Variants in QTMAN observed in about 807,000 individuals in gnomAD.
The protein encoded by QTMAN is tRNA-queuosine alpha-mannosyltransferase.
chr2:144,175,273 T>C, the QTMAN span, among the ~76,000 whole-genome samples: 2 of 152,248 alleles, frequency 1.3e-5, no homozygotes, highest in East Asian at 3.9e-4. Flanking sequence ...ATAGAACTAA[T>C]AGATACTACC....
chr2:144,033,502 C>T, the QTMAN span, among the ~76,000 whole-genome samples: 1 of 152,198 alleles, frequency 6.6e-6, no homozygotes, highest in Non-Finnish European at 1.5e-5. Flanking sequence ...ACCCCCCTCC[C>T]AACACCTTCA....
At chr2:144,007,263 T>C in the QTMAN span, 23 of 1,613,146 alleles carry the variant, frequency 1.4e-5, no homozygotes, top group East Asian at 3.8e-4. Flanking sequence ...AACAGTCAGA[T>C]TTTGTTTATT....
At chr2:143,975,767 T>C in the QTMAN span, among the ~76,000 whole-genome samples, 1 of 152,190 alleles carries the variant, frequency 6.6e-6, no homozygotes, top group African/African-American at 2.4e-5. Context: ...GCAGTCTGGG[T>C]TGCCACATGG....
At chr2:144,025,207 CTG>C in the QTMAN span, among the ~76,000 whole-genome samples, 1 of 152,174 alleles carries the variant, frequency 6.6e-6, no homozygotes, top group African/African-American at 2.4e-5. Context: ...ACTGGGATAT[CTG>C]CCAGGAGAGG....
At chr2:143,982,765 A>G in the QTMAN span, among the ~76,000 whole-genome samples, 11,765 of 150,790 alleles carry the variant, frequency 0.078, 863 homozygotes, top group African/African-American at 0.18. Flanking sequence ...GGAGGCTGAC[A>G]CAGGAGAACC....
chr2:144,117,174 C>T, the QTMAN span, among the ~76,000 whole-genome samples: 1 of 152,134 alleles, frequency 6.6e-6, no homozygotes, highest in African/African-American at 2.4e-5. Flanking sequence ...TCCTGACTCT[C>T]CAGCAAATGT....
the QTMAN span, among the ~76,000 whole-genome samples, chr2:144,301,781 C>T: frequency 6.6e-6 from 1 of 152,124 alleles, no homozygotes; most frequent in Non-Finnish European, 1.5e-5. Flanking sequence ...GGCCTCAAAG[C>T]ACTAATCAAG....
chr2:143,939,139 C>G, the QTMAN span: 2 of 152,184 alleles, frequency 1.3e-5, no homozygotes, highest in African/African-American at 4.8e-5. Context: ...ATGCTCTCCC[C>G]TTTTTGGCTT....
At chr2:144,113,478 G>C in the QTMAN span, among the ~76,000 whole-genome samples, 1 of 151,790 alleles carries the variant, frequency 6.6e-6, no homozygotes, top group Non-Finnish European at 1.5e-5. Context: ...TATAACAAAA[G>C]CTCTAACATT....
the QTMAN span, among the ~76,000 whole-genome samples, chr2:144,110,570 A>AATT: frequency 6.6e-6 from 1 of 151,838 alleles, no homozygotes; most frequent in East Asian, 1.9e-4. Context: ...AATAAATAAT[A>AATT]TAAAACTACA....
the QTMAN span, among the ~76,000 whole-genome samples, chr2:144,097,571 G>A: frequency 6.6e-6 from 1 of 152,158 alleles, no homozygotes; most frequent in Non-Finnish European, 1.5e-5. Context: ...GGGCTGGAGG[G>A]TGGGAAGGGG....
the QTMAN span, among the ~76,000 whole-genome samples, chr2:143,970,340 T>C: frequency 2.6e-5 from 4 of 152,186 alleles, no homozygotes; most frequent in South Asian, 2.1e-4. Flanking sequence ...AGGTGAGAGG[T>C]TGTATATCCA....
the QTMAN span, among the ~76,000 whole-genome samples, chr2:144,313,812 T>C: frequency 2.6e-5 from 4 of 151,592 alleles, no homozygotes; most frequent in East Asian, 7.7e-4. Flanking sequence ...CTTTAAAATA[T>C]ACTAGATTTC....
the QTMAN span, among the ~76,000 whole-genome samples, chr2:144,216,114 C>T: frequency 6.6e-6 from 1 of 152,160 alleles, no homozygotes; most frequent in African/African-American, 2.4e-5. Flanking sequence ...GTTTTAGACT[C>T]TTATAACTTC....
At chr2:144,101,792 C>A in the QTMAN span, among the ~76,000 whole-genome samples, 2 of 152,002 alleles carry the variant, frequency 1.3e-5, no homozygotes, top group Non-Finnish European at 2.9e-5. Flanking sequence ...TCAGCCACTA[C>A]CTTGGTCTGT....
At chr2:144,118,126 A>G in the QTMAN span, among the ~76,000 whole-genome samples, 6 of 152,116 alleles carry the variant, frequency 3.9e-5, no homozygotes, top group Non-Finnish European at 5.9e-5. Context: ...GATTACAAGC[A>G]TGAGCCACCG....
chr2:143,953,153 G>C, the QTMAN span, among the ~76,000 whole-genome samples: 1 of 151,742 alleles, frequency 6.6e-6, no homozygotes, highest in Admixed American at 6.6e-5. Context: ...ATAAACACAT[G>C]TAACAACATG....
chr2:144,139,726 C>A, the QTMAN span, among the ~76,000 whole-genome samples: 12 of 151,954 alleles, frequency 7.9e-5, no homozygotes, highest in Admixed American at 7.2e-4. Flanking sequence ...CTAATATTAG[C>A]GAAACTGCTG....
chr2:144,148,280 TAATA>T, the QTMAN span, among the ~76,000 whole-genome samples: 1 of 151,732 alleles, frequency 6.6e-6, no homozygotes, highest in Admixed American at 6.6e-5. Context: ...CTACTACTAA[TAATA>T]AATATTAATA....
Sources: allele counts gnomAD v4.1 joint callset (sites outside exome capture counted in the v4.1 genomes callset), GRCh38; gene constraint gnomAD v4.1.1; transcripts MANE v1.5; gene names NCBI Gene and HGNC (gene_info 2026-07-23, HGNC 2026-07-21).